The following SEMA3A variants were observed in gnomAD, a reference collection of about 807,000 sequenced individuals.
The protein encoded by SEMA3A is semaphorin-3A.
A neutral mutation model predicts 97.9 loss-of-function variants in SEMA3A; 29 were observed. The observed-to-expected ratio is 0.30, with a 90% CI of 0.22 to 0.40. The LOEUF (loss-of-function observed/expected upper bound fraction) is 0.40. Ranked by LOEUF, SEMA3A falls within the 10% of genes least tolerant of loss-of-function variation. The pLI, the probability that SEMA3A is intolerant of heterozygous loss-of-function variation, is 1.00. For synonymous variants in SEMA3A, 321 were observed against 323.7 expected (o/e 0.99, Z 0.09); for missense variants, 763 against 951.3 (o/e 0.80, Z 2.60).
intron 1 of SEMA3A, among the ~76,000 whole-genome samples, chr7:84,149,849 G>T (rs1796574777): frequency 6.6e-6 from 1 of 152,060 alleles, no homozygotes; most frequent in African/African-American, 2.4e-5. Flanking sequence ...GAATAACAAG[G>T]GTAAAATTTG....
At chr7:83,999,123 A>G (rs1317028537) in intron 12 of SEMA3A, among the ~76,000 whole-genome samples, 1 of 152,192 alleles carries the variant, frequency 6.6e-6, no homozygotes, top group Non-Finnish European at 1.5e-5. Flanking sequence ...AGGAAATTTT[A>G]GGCCCATTAT....
chr7:84,150,343 T>G (rs374640875), intron 1 of SEMA3A, among the ~76,000 whole-genome samples: 1 of 152,258 alleles, frequency 6.6e-6, no homozygotes, highest in East Asian at 1.9e-4. Context: ...TTCATCTCAC[T>G]GGGGAGTGCC....
At chr7:84,119,845 A>G (rs1795549157) in intron 3 of SEMA3A, among the ~76,000 whole-genome samples, 1 of 152,200 alleles carries the variant, frequency 6.6e-6, no homozygotes, top group Non-Finnish European at 1.5e-5. Flanking sequence ...TGGTCAAATC[A>G]TGATAATAAA....
chr7:84,225,685 T>C (rs961205170), intron 3 of SEMA3A, among the ~76,000 whole-genome samples: 1 of 152,076 alleles, frequency 6.6e-6, no homozygotes, highest in Non-Finnish European at 1.5e-5. Context: ...TCCTAGGTCA[T>C]CTCACGGAGG....
chr7:84,093,209 G>C (rs539037156), intron 4 of SEMA3A, among the ~76,000 whole-genome samples: 1 of 152,276 alleles, frequency 6.6e-6, no homozygotes, highest in East Asian at 1.9e-4. Flanking sequence ...ACTAACACTT[G>C]AGAGATGAAC....
At chr7:84,202,134 A>G (rs1449525644) in intron 3 of SEMA3A, among the ~76,000 whole-genome samples, 3 of 152,136 alleles carry the variant, frequency 2.0e-5, no homozygotes, top group Non-Finnish European at 4.4e-5. Flanking sequence ...TTGAAATGAT[A>G]TTTGATATTT....
At chr7:84,235,539 A>C in intron 3 of SEMA3A, among the ~76,000 whole-genome samples, 2 of 152,002 alleles carry the variant, frequency 1.3e-5, no homozygotes, top group East Asian at 3.9e-4. Context: ...TGCATGAATA[A>C]ATATTATTGG....
intron 3 of SEMA3A, among the ~76,000 whole-genome samples, chr7:84,300,086 TAACTGAAATAAG>T (rs963861463): frequency 6.7e-5 from 9 of 134,626 alleles, no homozygotes; most frequent in Admixed American, 5.9e-4. Context: ...AAAACTATGA[TAACTGAAATAAG>T]AACTTTAGTA....
Position 84,007,435 on chromosome 7 carries a change from A to C in SEMA3A, c.1058T>G (p.Leu353Arg), listed in dbSNP as rs1350132650. ...YSMSDVRRVF[L>R]GPYAHRDGPN... Reference sequence around the variant, plus strand: ...TCCATCCCTGTGGGCATATGGACCAAGGAACACCCTTCTCACATCACTCAT... The same window carrying C: ...TCCATCCCTGTGGGCATATGGACCACGGAACACCCTTCTCACATCACTCAT... Residue 353 changes from leucine (L) to arginine (R), a missense_variant, in exon 10 of 17, where the codon CTT becomes CGT. Physicochemically the swap from Leu to Arg is moderately radical, Grantham distance 102 (BLOSUM62 -2). Around this residue, in one of 2 missense-constraint regions of SEMA3A, gnomAD observed 678 missense variants for 881.3 expected, o/e 0.77. Coordinates refer to ENST00000265362, the MANE Select transcript of SEMA3A (RefSeq NM_006080.3). 1 of 1,607,894 alleles carries C rather than the reference A, an allele frequency of 6.2e-7. No homozygotes were observed. The highest frequency in any genetic ancestry group is 8.5e-7 in the Non-Finnish European group (1 of 1,177,024).
At chr7:84,055,542 T>A (rs149910443) in intron 5 of SEMA3A, among the ~76,000 whole-genome samples, 5,381 of 151,954 alleles carry the variant, frequency 0.035, 154 homozygotes, top group South Asian at 0.11. Flanking sequence ...CGAGTGAGGC[T>A]ATGCCTCGCC....
intron 4 of SEMA3A, among the ~76,000 whole-genome samples, chr7:84,091,624 A>G (rs186056695): frequency 6.6e-6 from 1 of 152,172 alleles, no homozygotes; most frequent in Admixed American, 6.6e-5. Flanking sequence ...AAAACAATAT[A>G]ATTAAACTTC....
At chr7:84,253,831 A>G (rs1266237109) in intron 3 of SEMA3A, among the ~76,000 whole-genome samples, 3 of 152,172 alleles carry the variant, frequency 2.0e-5, no homozygotes, top group African/African-American at 7.2e-5. Context: ...GTCATCATGA[A>G]TGTGTACCAT....
At chr7:84,128,451 G>A in intron 3 of SEMA3A, among the ~76,000 whole-genome samples, 1 of 152,124 alleles carries the variant, frequency 6.6e-6, no homozygotes, top group South Asian at 2.1e-4. Flanking sequence ...CCTGTGGAAA[G>A]AAGTTGACTT....
chr7:84,398,164 G>T (rs1354906179), intron 1 of SEMA3A, among the ~76,000 whole-genome samples: 1 of 151,980 alleles, frequency 6.6e-6, no homozygotes, highest in Non-Finnish European at 1.5e-5. Flanking sequence ...TATTCTAACT[G>T]CTTCCTCATT....
intron 2 of SEMA3A, among the ~76,000 whole-genome samples, chr7:84,325,119 CT>C (rs1488753287): frequency 2.1e-5 from 1 of 48,616 alleles, no homozygotes; most frequent in African/African-American, 6.2e-5. Context: ...GTATATATCT[CT>C]ATCTATCTAT....
rs1789002438 is a variant in SEMA3A, at chr7:83,973,523, C to A, written c.1717+3609G>T. On this transcript the variant is annotated intron_variant, in intron 15 of 16. Coordinates refer to ENST00000265362, the MANE Select transcript of SEMA3A (RefSeq NM_006080.3). ...CATGCTCATCTATCAAATATTGAGA[C>A]TCCTCTTGGGGCTAAATGCTCAGAT... Among the ~76,000 whole-genome samples the A allele has an allele frequency of 2.6e-5, 4 of 152,208 alleles. No homozygotes were observed. In the South Asian group the frequency reaches 8.3e-4, roughly 32 times the overall value.
chr7:84,238,647 T>C (rs778533523), intron 3 of SEMA3A, among the ~76,000 whole-genome samples: 2 of 152,160 alleles, frequency 1.3e-5, no homozygotes, highest in Non-Finnish European at 2.9e-5. Flanking sequence ...ATTCATTCCA[T>C]ATACAAAACT....
chr7:84,433,206 C>A (rs529973164), intron 1 of SEMA3A, among the ~76,000 whole-genome samples: 21 of 152,010 alleles, frequency 1.4e-4, no homozygotes, highest in Admixed American at 6.6e-4. Context: ...AGGTATTCCA[C>A]CTAATGCTAT....
chr7:83,963,056 T>C (rs1215720583), intron 16 of SEMA3A, 149 bp downstream of exon 16: 2 of 851,328 alleles, frequency 2.3e-6, no homozygotes, highest in Non-Finnish European at 3.8e-6. Flanking sequence ...CAGTCTGCAC[T>C]AAACACTTGT....
Sources: allele counts gnomAD v4.1 joint callset (sites outside exome capture counted in the v4.1 genomes callset), GRCh38; gene constraint gnomAD v4.1.1; regional missense constraint gnomAD v4.1.1; transcripts MANE v1.5; gene names NCBI Gene and HGNC (gene_info 2026-07-23, HGNC 2026-07-21).